The following NEK10 variants were observed in gnomAD, a reference collection of about 807,000 sequenced individuals.
The protein encoded by NEK10 is serine/threonine-protein kinase Nek10.
NEK10 carries 122 observed loss-of-function variants against 159.8 expected under a neutral mutation model. The ratio of observed to expected loss-of-function variants is 0.76; its 90% CI spans 0.66 to 0.89. The LOEUF is 0.89. NEK10 is among the 40% of genes least tolerant of loss of function. NEK10 has a pLI of 0.00. For synonymous variants in NEK10, 466 were observed against 457.1 expected (o/e 1.02, Z -0.25); for missense variants, 1,342 against 1,323.1 (o/e 1.01, Z -0.22).
chr3:27,225,594 G>A (rs769419084), intron 23 of NEK10, among the ~76,000 whole-genome samples: 41 of 152,188 alleles, frequency 2.7e-4, no homozygotes, highest in Non-Finnish European at 4.0e-4. Context: ...AGTCCCTGGA[G>A]TACCCAGCAG....
chr3:27,291,148 A>C, intron 18 of NEK10, 114 bp downstream of exon 18: 1 of 961,072 alleles, frequency 1.0e-6, no homozygotes, highest in Non-Finnish European at 1.5e-6. Context: ...TAATTTTCAT[A>C]TCTGTTTGCT....
At chr3:27,268,170 G>A (rs1401929043) in intron 22 of NEK10, among the ~76,000 whole-genome samples, 2 of 152,210 alleles carry the variant, frequency 1.3e-5, no homozygotes, top group Non-Finnish European at 2.9e-5. Context: ...GTTGGTTCAC[G>A]AGGTTTAAGG....
At chr3:27,147,531 T>A (rs76638569) in intron 30 of NEK10, among the ~76,000 whole-genome samples, 1 of 152,220 alleles carries the variant, frequency 6.6e-6, no homozygotes, top group Non-Finnish European at 1.5e-5. Flanking sequence ...TTCCTTTCAT[T>A]TGAAACTTCA....
Position 27,111,203 on chromosome 3 carries a change from G to A in NEK10, c.*69C>T. On this transcript the variant is annotated 3_prime_UTR_variant, in exon 36 of 36. Coordinates refer to ENST00000691995, the MANE Select transcript of NEK10 (RefSeq NM_001394966.1). ...GCAGCACCCAATCCTTGGGCATCTTGCAATAGCGGCTGAAGTCCAGAACTT... is the reference window on the plus strand; with the variant it reads ...GCAGCACCCAATCCTTGGGCATCTTACAATAGCGGCTGAAGTCCAGAACTT... 1 of 1,438,872 alleles carries A rather than the reference G, an allele frequency of 6.9e-7. No homozygotes were observed. The highest frequency in any genetic ancestry group is 1.2e-5 in the South Asian group (1 of 85,110). The allele number at this position is 1,438,872 out of a possible 1,614,324, so 89.1% of individuals were successfully genotyped here.
rs143973722 is a variant in NEK10, at chr3:27,191,944, G to A, written c.2505+85C>T. On this transcript the variant is annotated intron_variant, in intron 26 of 35. Coordinates refer to ENST00000691995, the MANE Select transcript of NEK10 (RefSeq NM_001394966.1). ...GCATGTAACTATTTTTCTAACTTTT[G>A]ATGAATGTTCCTTAAAACAAGCATG... 31 of 1,159,526 alleles carry A rather than the reference G, an allele frequency of 2.7e-5. No individual in the cohort carries two copies. The East Asian group carries it at 6.6e-4, about 25-fold the overall frequency. 71.8% of individuals were successfully genotyped at this position (1,159,526 alleles called of 1,614,324 possible). A position where few individuals can be genotyped will look rare whatever the true frequency, so the allele number is the denominator to read the frequency against.
intron 30 of NEK10, among the ~76,000 whole-genome samples, chr3:27,153,539 T>C (rs1227366590): frequency 6.6e-6 from 1 of 152,148 alleles, no homozygotes; most frequent in African/African-American, 2.4e-5. Context: ...TTCTCCAAGA[T>C]AGACCATATG....
At chr3:27,135,285 A>T (rs1183887676) in intron 31 of NEK10, among the ~76,000 whole-genome samples, 1 of 152,214 alleles carries the variant, frequency 6.6e-6, no homozygotes, top group Non-Finnish European at 1.5e-5. Flanking sequence ...AAACATTTTT[A>T]CATACTTTAT....
chr3:27,136,459 A>G (rs557409923), intron 31 of NEK10, among the ~76,000 whole-genome samples: 3 of 152,284 alleles, frequency 2.0e-5, no homozygotes, highest in African/African-American at 7.2e-5. Flanking sequence ...TTTTCAAAGC[A>G]TCTATTTAAC....
intron 15 of NEK10, among the ~76,000 whole-genome samples, chr3:27,295,275 C>T (rs902424764): frequency 6.6e-6 from 1 of 152,180 alleles, no homozygotes; most frequent in Non-Finnish European, 1.5e-5. Flanking sequence ...CCCTTCTCAT[C>T]CATCAAGATC....
intron 6 of NEK10, among the ~76,000 whole-genome samples, chr3:27,319,987 C>T (rs1467488604): frequency 6.6e-6 from 1 of 152,156 alleles, no homozygotes; most frequent in African/African-American, 2.4e-5. Flanking sequence ...GAGCCACTGG[C>T]GTAAGTCGCA....
At chr3:27,253,395 C>T (rs1484183033) in intron 23 of NEK10, among the ~76,000 whole-genome samples, 2 of 152,108 alleles carry the variant, frequency 1.3e-5, no homozygotes, top group African/African-American at 4.8e-5. Context: ...TGGAGGAAGA[C>T]ATAGAGATAA....
chr3:27,212,375 A>C (rs1408988481), intron 23 of NEK10, among the ~76,000 whole-genome samples: 1 of 152,210 alleles, frequency 6.6e-6, no homozygotes, highest in Non-Finnish European at 1.5e-5. Context: ...TAGATCCTAA[A>C]TCTGTAATCT....
chr3:27,108,239 C>T lies in NEK10; in HGVS notation c.*3033G>A, dbSNP rs796387650. Among the ~76,000 whole-genome samples, 41 of 152,288 alleles carry T rather than the reference C, an allele frequency of 2.7e-4. No homozygotes were observed. Among genetic ancestry groups the T allele is most frequent in the African/African-American group, 9.6e-4 (40 of 41,552 alleles). On this transcript the variant is annotated 3_prime_UTR_variant, in exon 36 of 36. Transcript: ENST00000691995. ...ATGCCTAAACATTCTGTAAACACTG[C>T]CTAATGCCATACAAGTGTCCACAAT...
intron 23 of NEK10, among the ~76,000 whole-genome samples, chr3:27,208,895 C>T (rs35707949): frequency 0.035 from 5,299 of 152,206 alleles, 120 homozygotes; most frequent in African/African-American, 0.05. Flanking sequence ...TGACTACTGC[C>T]GTTACGCAGT....
At chr3:27,316,120 T>C (rs2045147338) in intron 6 of NEK10, among the ~76,000 whole-genome samples, 2 of 152,102 alleles carry the variant, frequency 1.3e-5, no homozygotes, top group Admixed American at 1.3e-4. Context: ...TGAGCCTGAA[T>C]TTGAACGTTT....
At position 27,149,432 on chromosome 3, in the gene NEK10, T is replaced by G. The variant is rs372770005; in HGVS notation, c.2870-7850A>C. Among the ~76,000 whole-genome samples, 91 of 152,344 alleles carry G rather than the reference T, an allele frequency of 6.0e-4. 1 individual carries two copies. Among genetic ancestry groups the G allele is most frequent in the African/African-American group, 2.1e-3 (87 of 41,594 alleles). On this transcript the variant is annotated intron_variant, in intron 30 of 35. Coordinates refer to ENST00000691995, the MANE Select transcript of NEK10 (RefSeq NM_001394966.1). Reference sequence around the variant, plus strand: ...TTGAGCAAGGCTACTGGCACCATTTTTCTAGTAGCATGCATTTACTTCATG... The same window carrying G: ...TTGAGCAAGGCTACTGGCACCATTTGTCTAGTAGCATGCATTTACTTCATG...
At chr3:27,152,360 T>C (rs1334436646) in intron 30 of NEK10, among the ~76,000 whole-genome samples, 2 of 152,072 alleles carry the variant, frequency 1.3e-5, no homozygotes, top group African/African-American at 2.4e-5. Flanking sequence ...AACTAAACAA[T>C]TATCAGCCAA....
chr3:27,310,047 T>A (rs1371163090), intron 9 of NEK10: 1 of 152,198 alleles, frequency 6.6e-6, no homozygotes, highest in Admixed American at 6.5e-5. Context: ...AGCTGCAACC[T>A]GCGCAACAAC....
intron 6 of NEK10, among the ~76,000 whole-genome samples, chr3:27,315,398 T>G (rs915889163): frequency 6.6e-6 from 1 of 152,206 alleles, no homozygotes; most frequent in Non-Finnish European, 1.5e-5. Flanking sequence ...TTGGAAATAC[T>G]GAACACACTT....
Sources: gnomAD v4.1 joint callset for allele counts (sites outside exome capture counted in the v4.1 genomes callset) on GRCh38, gnomAD v4.1.1 for gene constraint, MANE v1.5 for transcripts, NCBI Gene and HGNC (gene_info 2026-07-23, HGNC 2026-07-21) for gene names.